SORCS3: variants seen among roughly 807,000 people sequenced by gnomAD.
SORCS3 encodes the protein VPS10 domain-containing receptor SorCS3.
Under a neutral mutation model 146.3 loss-of-function variants are expected in SORCS3, and 57 were observed. The observed-to-expected ratio is 0.39, with a 90% CI of 0.31 to 0.49. SORCS3 has a LOEUF of 0.49. SORCS3 is among the 20% of genes least tolerant of loss of function. SORCS3 has a pLI of 0.92. For synonymous variants in SORCS3, 653 were observed against 618.5 expected, an observed-to-expected ratio of 1.06 and a Z score of -0.83; for missense variants, 1,341 against 1,575.5, an observed-to-expected ratio of 0.85 and a Z score of 2.52.
intron 1 of SORCS3, among the ~76,000 whole-genome samples, chr10:104,654,602 T>G (rs540401186): frequency 6.6e-6 from 1 of 152,352 alleles, no homozygotes; most frequent in East Asian, 1.9e-4. Context: ...AAATTTTGTT[T>G]TGCTCTCACA....
chr10:104,651,560 A>T (rs2015560104), intron 1 of SORCS3, among the ~76,000 whole-genome samples: 1 of 139,648 alleles, frequency 7.2e-6, no homozygotes, highest in East Asian at 2.1e-4. Flanking sequence ...AAAAACACAA[A>T]AATTAGCTGG....
chr10:105,041,792 G>T (rs1246864467), intron 4 of SORCS3, among the ~76,000 whole-genome samples: 1 of 152,098 alleles, frequency 6.6e-6, no homozygotes, highest in African/African-American at 2.4e-5. Flanking sequence ...AGATATTGGG[G>T]ATGTGATCAC....
At chr10:104,956,336 A>T (rs114303208) in intron 3 of SORCS3, among the ~76,000 whole-genome samples, 1,874 of 152,294 alleles carry the variant, frequency 0.012, 26 homozygotes, top group African/African-American at 0.034. Context: ...CTTCTGCAAC[A>T]GTGTTTATCA....
intron 2 of SORCS3, among the ~76,000 whole-genome samples, chr10:104,888,834 G>A (rs140885103): frequency 1.1e-3 from 163 of 152,244 alleles, no homozygotes; most frequent in Non-Finnish European, 2.1e-3. Flanking sequence ...AGATCCTTGG[G>A]GAGTGACTGA....
intron 1 of SORCS3, among the ~76,000 whole-genome samples, chr10:104,814,607 T>A (rs540766100): frequency 3.3e-5 from 5 of 152,352 alleles, no homozygotes; most frequent in African/African-American, 1.2e-4. Flanking sequence ...TGTCAAATTC[T>A]GTTCACTGAC....
At chr10:105,043,205 C>A in intron 5 of SORCS3, 77 bp downstream of exon 5, 2 of 1,288,062 alleles carry the variant, frequency 1.6e-6, no homozygotes, top group Non-Finnish European at 2.2e-6. Context: ...CAGCTCTGGA[C>A]AGTTGCAGTT....
At chr10:105,152,119 AC>A in intron 9 of SORCS3, among the ~76,000 whole-genome samples, 2 of 152,306 alleles carry the variant, frequency 1.3e-5, no homozygotes, top group Middle Eastern at 6.8e-3. Flanking sequence ...CCGCAGTTAT[AC>A]TATGGCAGCA....
intron 3 of SORCS3, among the ~76,000 whole-genome samples, chr10:104,970,859 G>GAA (rs11453184): frequency 3.3e-5 from 5 of 152,022 alleles, no homozygotes; most frequent in African/African-American, 1.2e-4. Context: ...GGGTAACATT[G>GAA]AAAAAATCCT....
chr10:104,724,781 T>C (rs1324819883), intron 1 of SORCS3, among the ~76,000 whole-genome samples: 1 of 152,248 alleles, frequency 6.6e-6, no homozygotes, highest in East Asian at 1.9e-4. Flanking sequence ...CTACTGAGGC[T>C]TGTGCATTCA....
At chr10:104,857,832 A>G (rs1447368027) in intron 2 of SORCS3, among the ~76,000 whole-genome samples, 1 of 152,198 alleles carries the variant, frequency 6.6e-6, no homozygotes, top group African/African-American at 2.4e-5. Flanking sequence ...GCCTCTTGTA[A>G]TGGTGGAGCA....
chr10:104,760,363 A>G (rs1332137975), intron 1 of SORCS3, among the ~76,000 whole-genome samples: 1 of 152,252 alleles, frequency 6.6e-6, no homozygotes, highest in East Asian at 1.9e-4. Context: ...AAACATTATT[A>G]AACAATACCT....
chr10:104,732,579 A>G (rs2016719119), intron 1 of SORCS3, among the ~76,000 whole-genome samples: 1 of 152,150 alleles, frequency 6.6e-6, no homozygotes, highest in Non-Finnish European at 1.5e-5. Context: ...TTTACTAGAA[A>G]GATGAACTCC....
At chr10:105,219,318 G>C (rs191962750) in intron 19 of SORCS3, among the ~76,000 whole-genome samples, 1 of 152,156 alleles carries the variant, frequency 6.6e-6, no homozygotes, top group South Asian at 2.1e-4. Context: ...CCTTTATCCA[G>C]CAATGAGTTG....
At chr10:105,004,000 C>CTTTT (rs1226455197) in intron 4 of SORCS3, among the ~76,000 whole-genome samples, 1 of 140,230 alleles carries the variant, frequency 7.1e-6, no homozygotes, top group African/African-American at 2.7e-5. Context: ...TCTTCTCTCT[C>CTTTT]TTTTTTTTTT....
chr10:105,225,982 C>T (rs1482966397), intron 20 of SORCS3, among the ~76,000 whole-genome samples: 5 of 151,750 alleles, frequency 3.3e-5, no homozygotes, highest in Admixed American at 1.3e-4. Context: ...TCTAGGTTTT[C>T]TAAATATACA....
intron 23 of SORCS3, among the ~76,000 whole-genome samples, chr10:105,254,953 C>G (rs2056921635): frequency 6.6e-6 from 1 of 151,896 alleles, no homozygotes; most frequent in South Asian, 2.1e-4. Flanking sequence ...CTTTGGGAGG[C>G]CGAGGTGGGC....
intron 19 of SORCS3, chr10:105,217,732 CA>C (rs1420223768): frequency 1.1e-5 from 5 of 445,566 alleles, no homozygotes; most frequent in Non-Finnish European, 2.3e-5. Flanking sequence ...TGGCACAAAC[CA>C]AAAGAACAGT....
chr10:104,815,095 G>A (rs1224823684), intron 1 of SORCS3, among the ~76,000 whole-genome samples: 1 of 152,144 alleles, frequency 6.6e-6, no homozygotes, highest in African/African-American at 2.4e-5. Context: ...GGACACCTGT[G>A]CGTGATTACT....
At chr10:105,018,841 T>C (rs2055183172) in intron 4 of SORCS3, among the ~76,000 whole-genome samples, 1 of 152,142 alleles carries the variant, frequency 6.6e-6, no homozygotes, top group Admixed American at 6.6e-5. Flanking sequence ...ACTTATATTA[T>C]TGGTTACACT....
Sources: allele counts gnomAD v4.1 joint callset (sites outside exome capture counted in the v4.1 genomes callset), GRCh38; gene constraint gnomAD v4.1.1; transcripts MANE v1.5; gene names NCBI Gene and HGNC (gene_info 2026-07-23, HGNC 2026-07-21).